The following WWOX variants were observed in gnomAD, a reference collection of about 807,000 sequenced individuals.
WWOX encodes the protein WW domain-containing oxidoreductase.
A neutral mutation model predicts 46.2 loss-of-function variants in WWOX; 69 were observed. The observed-to-expected ratio is 1.49, with a 90% CI of 1.23 to 1.82. The LOEUF is 1.82. Among genes scored for constraint, WWOX ranks in the 40% most tolerant of loss-of-function variants. WWOX has a pLI of 0.00. For missense variants in WWOX, 919 were observed against 542.6 expected (o/e 1.69, Z -6.89); for synonymous variants, 359 against 202.6 (o/e 1.77, Z -6.56).
In WWOX at chr16:78,354,312, C is replaced by CTT. The variant is rs55635025; in HGVS notation, c.517-32535_517-32534dup. ...AGACAGTGTCTGCTGATGTGCTTAA[C>CTT]TTTTTTTTTTTTTTGGTCAGGTGTG... On this transcript the variant is annotated intron_variant, in intron 5 of 8. Transcript: ENST00000566780. Among the ~76,000 whole-genome samples, 44 of 123,268 alleles carry CTT rather than the reference C, an allele frequency of 3.6e-4. 1 individual carries two copies. Among genetic ancestry groups the CTT allele is most frequent in the African/African-American group, 1.3e-3 (41 of 31,826 alleles). 80.9% of individuals were successfully genotyped at this position (123,268 alleles called of 152,430 possible). A position where few individuals can be genotyped will look rare whatever the true frequency, so the allele number is the denominator to read the frequency against.
chr16:78,734,841 C>CTTTTT lies in WWOX; in HGVS notation c.1056+302127_1056+302131dup, dbSNP rs60560119. On this transcript the variant is annotated intron_variant, in intron 8 of 8. Transcript: ENST00000566780. ...GATGACTCAGGTGGGGACTTCAGTC[C>CTTTTT]TTTTTTTTTTTTTTTTTTTTTTTTT... Among the ~76,000 whole-genome samples the CTTTTT allele has an allele frequency of 2.6e-3, 106 of 40,122 alleles. 24 individuals are homozygous for CTTTTT. Among genetic ancestry groups the CTTTTT allele is most frequent in the Admixed American group, 2.9e-3 (7 of 2,400 alleles). 26.3% of individuals were successfully genotyped at this position (40,122 alleles called of 152,430 possible).
chr16:79,153,505 G>A (rs1190764871), intron 8 of WWOX, among the ~76,000 whole-genome samples: 1 of 152,166 alleles, frequency 6.6e-6, no homozygotes, highest in Non-Finnish European at 1.5e-5. Context: ...GACCCCTGGA[G>A]AACAGCCCAC....
intron 8 of WWOX, among the ~76,000 whole-genome samples, chr16:78,755,836 A>C (rs544174897): frequency 1.6e-4 from 24 of 152,322 alleles, no homozygotes; most frequent in Non-Finnish European, 1.3e-4. Context: ...GTCTACAAGT[A>C]ACCACCCCAG....
At chr16:78,566,061 G>T (rs2044557060) in intron 8 of WWOX, among the ~76,000 whole-genome samples, 1 of 152,160 alleles carries the variant, frequency 6.6e-6, no homozygotes, top group South Asian at 2.1e-4. Context: ...GAAGCCATGG[G>T]CACATTCTGT....
intron 8 of WWOX, among the ~76,000 whole-genome samples, chr16:78,840,216 A>T (rs1454756668): frequency 6.6e-6 from 1 of 152,228 alleles, no homozygotes; most frequent in Non-Finnish European, 1.5e-5. Context: ...AATAATTACC[A>T]TCACTAATCC....
At chr16:78,945,745 G>A (rs908364077) in intron 8 of WWOX, among the ~76,000 whole-genome samples, 1 of 151,686 alleles carries the variant, frequency 6.6e-6, no homozygotes, top group African/African-American at 2.4e-5. Context: ...CCAGGTTCCT[G>A]CAAATTGTTT....
At chr16:78,626,887 T>C (rs775056025) in intron 8 of WWOX, among the ~76,000 whole-genome samples, 11 of 152,232 alleles carry the variant, frequency 7.2e-5, no homozygotes, top group Non-Finnish European at 1.2e-4. Flanking sequence ...ATTTTGTTGC[T>C]TAAATTTTTC....
Position 79,212,432 on chromosome 16 carries a change from A to G in WWOX, c.*636A>G. 3.3e-6 allele frequency: 1 copy of G among 298,810 alleles called. No homozygotes were observed. Among genetic ancestry groups the G allele is most frequent in the Non-Finnish European group, 6.2e-6 (1 of 160,162 alleles). The allele number at this position is 298,810 out of a possible 1,614,324, so 18.5% of individuals were successfully genotyped here. ...ACTCCTTTGCTAATGCTATGCAAAAAATTCTTTAGAGATTATAACAAATTT... is the reference window on the plus strand; with the variant it reads ...ACTCCTTTGCTAATGCTATGCAAAAGATTCTTTAGAGATTATAACAAATTT... On this transcript the variant is annotated 3_prime_UTR_variant, in exon 9 of 9. Transcript: ENST00000566780.
rs201211102 is a variant in WWOX at position 79,083,458 on chromosome 16, C to CA, written c.1057-128149dup. On this transcript the variant is annotated intron_variant, in intron 8 of 8. Coordinates refer to ENST00000566780, the MANE Select transcript of WWOX (RefSeq NM_016373.4). ...TGTCAAGAACAAAGCTGTGTAAAGT[C>CA]ACTAAGATTTTGGAGGTATCGGCTG... Among the ~76,000 whole-genome samples the CA allele has an allele frequency of 9.0e-3, 1,374 of 152,290 alleles. 19 individuals carry two copies. Among genetic ancestry groups the CA allele is most frequent in the African/African-American group, 0.027 (1,140 of 41,546 alleles).
intron 8 of WWOX, among the ~76,000 whole-genome samples, chr16:79,143,595 A>C (rs905408601): frequency 1.3e-5 from 2 of 152,218 alleles, no homozygotes; most frequent in Non-Finnish European, 2.9e-5. Context: ...TTTAGGGATG[A>C]TAAAAATTAT....
intron 8 of WWOX, among the ~76,000 whole-genome samples, chr16:78,441,390 T>G (rs112805064): frequency 7.9e-5 from 12 of 152,192 alleles, no homozygotes. Flanking sequence ...GTACTTCTTA[T>G]CATTTATCCC....
At chr16:78,571,125 G>A (rs1020099692) in intron 8 of WWOX, among the ~76,000 whole-genome samples, 3 of 152,212 alleles carry the variant, frequency 2.0e-5, no homozygotes, top group African/African-American at 7.2e-5. Flanking sequence ...ACTTACAGTA[G>A]AAGAGAAATG....
At chr16:78,490,010 A>G (rs1214985403) in intron 8 of WWOX, among the ~76,000 whole-genome samples, 2 of 152,194 alleles carry the variant, frequency 1.3e-5, no homozygotes, top group African/African-American at 2.4e-5. Context: ...GGCAATTTAC[A>G]TTCTTCTTAA....
At position 78,435,495 on chromosome 16, in the gene WWOX, C is replaced by A. The variant is rs115506681; in HGVS notation, c.1056+2743C>A. On this transcript the variant is annotated intron_variant, in intron 8 of 8. Transcript: ENST00000566780. ...ATTAACTGCGCACTGAGCTTTAGAT[C>A]CCTGAGTGAGAAAGCTGTGGGAAAA... Among the ~76,000 whole-genome samples the A allele has an allele frequency of 3.1e-3, 471 of 152,248 alleles. 2 individuals carry two copies. Among genetic ancestry groups the A allele is most frequent in the African/African-American group, 0.011 (440 of 41,548 alleles).
chr16:78,396,106 G>C (rs571943332), intron 6 of WWOX, among the ~76,000 whole-genome samples: 3 of 152,158 alleles, frequency 2.0e-5, no homozygotes, highest in Admixed American at 6.5e-5. Flanking sequence ...TCACAACAGT[G>C]CCAAGAACTT....
chr16:78,739,693 C>G (rs1002454348), intron 8 of WWOX, among the ~76,000 whole-genome samples: 9 of 152,098 alleles, frequency 5.9e-5, no homozygotes, highest in Non-Finnish European at 1.2e-4. Context: ...TGCCTGTAAT[C>G]CCAGCTACTG....
chr16:78,296,322 A>T (rs1262589110), intron 5 of WWOX, among the ~76,000 whole-genome samples: 1 of 151,988 alleles, frequency 6.6e-6, no homozygotes, highest in Non-Finnish European at 1.5e-5. Context: ...TCCTGAAATG[A>T]AAATGTAACT....
intron 8 of WWOX, among the ~76,000 whole-genome samples, chr16:78,522,298 C>G (rs527787147): frequency 3.9e-5 from 6 of 152,000 alleles, no homozygotes; most frequent in African/African-American, 1.2e-4. Flanking sequence ...ATCAAGACAC[C>G]ATTTTGCTTA....
intron 8 of WWOX, among the ~76,000 whole-genome samples, chr16:78,560,334 A>C (rs1473319001): frequency 6.6e-6 from 1 of 152,194 alleles, no homozygotes; most frequent in Non-Finnish European, 1.5e-5. Context: ...AGAATAGAAT[A>C]TTATTACCAT....
Sources: allele counts gnomAD v4.1 joint callset (sites outside exome capture counted in the v4.1 genomes callset), GRCh38; gene constraint gnomAD v4.1.1; transcripts MANE v1.5; gene names NCBI Gene and HGNC (gene_info 2026-07-23, HGNC 2026-07-21).